Variants in ERC1 observed in about 807,000 individuals in gnomAD.
The protein encoded by ERC1 is RAB6 interacting protein 2.
In ERC1, 56 loss-of-function variants were observed where a neutral mutation model predicts 132.0. The observed-to-expected ratio is 0.42, with a 90% CI of 0.34 to 0.53. The LOEUF is 0.53. Among genes scored for constraint, ERC1 ranks in the 20% least tolerant of loss-of-function variants. The probability of loss-of-function intolerance (pLI) is 0.03; values close to 1 mark genes in which losing one functional copy is unlikely to be tolerated. For synonymous variants in ERC1, 478 were observed against 476.1 expected (o/e 1.00, Z -0.05); for missense variants, 1,202 against 1,349.9 (o/e 0.89, Z 1.72).
intron 12 of ERC1, among the ~76,000 whole-genome samples, chr12:1,205,434 T>C (rs1490439175): frequency 1.3e-5 from 2 of 151,472 alleles, no homozygotes; most frequent in African/African-American, 2.4e-5. Context: ...TATATAGATA[T>C]ATATTTGCTG....
intron 8 of ERC1, among the ~76,000 whole-genome samples, chr12:1,166,986 G>T (rs1244913677): frequency 1.3e-5 from 2 of 152,176 alleles, no homozygotes; most frequent in East Asian, 3.8e-4. Flanking sequence ...GTAACTTAGT[G>T]AATAATTTGA....
At chr12:1,218,183 C>T (rs77983336) in intron 12 of ERC1, among the ~76,000 whole-genome samples, 4,705 of 152,292 alleles carry the variant, frequency 0.031, 116 homozygotes, top group East Asian at 0.074. Flanking sequence ...GTCTCCTCAT[C>T]AAATCTACCA....
intron 15 of ERC1, among the ~76,000 whole-genome samples, chr12:1,299,830 G>T (rs1028204586): frequency 5.3e-5 from 8 of 152,038 alleles, no homozygotes; most frequent in African/African-American, 1.9e-4. Flanking sequence ...CTAAAGACAC[G>T]TAAAAAGATA....
intron 15 of ERC1, among the ~76,000 whole-genome samples, chr12:1,292,795 G>A (rs2079548656): frequency 6.6e-6 from 1 of 151,960 alleles, no homozygotes; most frequent in East Asian, 1.9e-4. Context: ...TGGATCACCT[G>A]AGGTCAGGAG....
chr12:1,154,268 TACACATATAC>T (rs1951133386), intron 8 of ERC1, among the ~76,000 whole-genome samples: 2 of 149,720 alleles, frequency 1.3e-5, no homozygotes, highest in Non-Finnish European at 3.0e-5. Context: ...TGTGTATATA[TACACATATAC>T]ATGTATATAT....
chr12:1,262,690 A>T (rs1333819287), intron 13 of ERC1, among the ~76,000 whole-genome samples: 1 of 152,204 alleles, frequency 6.6e-6, no homozygotes, highest in African/African-American at 2.4e-5. Flanking sequence ...AGCTGGCTTT[A>T]TGCTTAGAGA....
chr12:998,880 G>T (rs1961529827), intron 1 of ERC1, among the ~76,000 whole-genome samples: 1 of 127,818 alleles, frequency 7.8e-6, no homozygotes. Context: ...TTTTTTTTGA[G>T]GCAGAGTCTT....
chr12:1,023,409 AT>A (rs577267661), intron 1 of ERC1, among the ~76,000 whole-genome samples: 5,424 of 144,372 alleles, frequency 0.038, 95 homozygotes, highest in Middle Eastern at 0.067. Flanking sequence ...TCTTTTTTTG[AT>A]TTTTTTTTTT....
chr12:1,062,041 A>C (rs1027212053), intron 2 of ERC1, among the ~76,000 whole-genome samples: 1 of 122,238 alleles, frequency 8.2e-6, no homozygotes, highest in Non-Finnish European at 1.6e-5. Flanking sequence ...CCCAGGCTGG[A>C]GTGCAGTGGC....
rs536167471 is a variant in ERC1 at position 1,180,304 on chromosome 12, CGCAT to C, written c.1738-235_1738-232del. Among the ~76,000 whole-genome samples the C allele has an allele frequency of 1.7e-3, 246 of 143,804 alleles. 1 individual carries two copies. Among genetic ancestry groups the C allele is most frequent in the African/African-American group, 6.8e-3 (238 of 35,086 alleles). 94.3% of individuals were successfully genotyped at this position (143,804 alleles called of 152,430 possible). ...GTGTGCGCGCACGCGTGTGCGCGCG[CGCAT>C]ACACATGTGTACTTTTTTTTGTTTT... On this transcript the variant is annotated intron_variant, in intron 8 of 18. Transcript: ENST00000360905.
At chr12:1,027,706 A>G (rs1382620528) in intron 1 of ERC1, 42 bp from the exon 2 acceptor site, 5 of 555,192 alleles carry the variant, frequency 9.0e-6, no homozygotes, top group Middle Eastern at 4.6e-4. Flanking sequence ...GAAGGGAAAT[A>G]TTTATTATTG....
At chr12:1,380,677 C>T (rs2088546443) in intron 16 of ERC1, 1 of 152,238 alleles carries the variant, frequency 6.6e-6, no homozygotes, top group Non-Finnish European at 1.5e-5. Flanking sequence ...GACAGTAGTG[C>T]CTTTTCAGCC....
chr12:1,020,159 G>A (rs1305244587), intron 1 of ERC1, among the ~76,000 whole-genome samples: 1 of 152,048 alleles, frequency 6.6e-6, no homozygotes, highest in African/African-American at 2.4e-5. Context: ...AAACTTACTG[G>A]ATTTAAAGAA....
intron 14 of ERC1, among the ~76,000 whole-genome samples, chr12:1,288,374 C>T (rs2079179358): frequency 6.6e-6 from 1 of 152,150 alleles, no homozygotes; most frequent in Non-Finnish European, 1.5e-5. Flanking sequence ...CTTGGCCTCC[C>T]AAAGTGCTGA....
intron 2 of ERC1, 148 bp downstream of exon 2, chr12:1,028,720 T>C: frequency 1.4e-6 from 1 of 723,636 alleles, no homozygotes; most frequent in Non-Finnish European, 2.2e-6. Flanking sequence ...CCTCCATTTC[T>C]CAGCCCTTTC....
At chr12:1,372,464 T>G (rs987376435) in intron 16 of ERC1, among the ~76,000 whole-genome samples, 1 of 152,238 alleles carries the variant, frequency 6.6e-6, no homozygotes, top group Non-Finnish European at 1.5e-5. Flanking sequence ...ACCTTTTGTT[T>G]GTGAAAATAA....
chr12:1,250,815 T>G (rs1052702805), intron 13 of ERC1, among the ~76,000 whole-genome samples: 12 of 152,150 alleles, frequency 7.9e-5, no homozygotes, highest in Non-Finnish European at 2.9e-5. Flanking sequence ...TCAATAGTGG[T>G]TTGGGGCTTT....
At chr12:1,075,639 T>G (rs1031678393) in intron 2 of ERC1, among the ~76,000 whole-genome samples, 6 of 151,646 alleles carry the variant, frequency 4.0e-5, no homozygotes, top group Non-Finnish European at 5.9e-5. Flanking sequence ...TGCAGTGAGC[T>G]GAGATTGTGC....
chr12:1,472,989 T>C (rs2093893857), intron 18 of ERC1, among the ~76,000 whole-genome samples: 1 of 152,190 alleles, frequency 6.6e-6, no homozygotes, highest in Non-Finnish European at 1.5e-5. Flanking sequence ...ATTTTGACTT[T>C]GGATAGACAG....
Sources: allele counts gnomAD v4.1 joint callset (sites outside exome capture counted in the v4.1 genomes callset), GRCh38; gene constraint gnomAD v4.1.1; transcripts MANE v1.5; gene names NCBI Gene and HGNC (gene_info 2026-07-23, HGNC 2026-07-21).